Variants in NR3C1 observed in about 807,000 individuals in gnomAD.
NR3C1 encodes glucocorticoid receptor.
A neutral mutation model predicts 74.0 loss-of-function variants in NR3C1; 14 were observed. That is an observed-to-expected ratio of 0.19 (90% CI 0.12 to 0.30). The LOEUF (loss-of-function observed/expected upper bound fraction) is 0.30. Ranked by LOEUF, NR3C1 falls within the 10% of genes least tolerant of loss-of-function variation. NR3C1 has a pLI of 1.00. For missense variants in NR3C1, 695 were observed against 909.8 expected, an observed-to-expected ratio of 0.76 and a Z score of 3.04; for synonymous variants, 308 against 332.5, an observed-to-expected ratio of 0.93 and a Z score of 0.80.
intron 1 of NR3C1, among the ~76,000 whole-genome samples, chr5:143,411,063 T>A (rs1193609203): frequency 6.6e-6 from 1 of 152,222 alleles, no homozygotes; most frequent in African/African-American, 2.4e-5. Context: ...TCCATTTTAC[T>A]ATTATCTATG....
intron 7 of NR3C1, among the ~76,000 whole-genome samples, chr5:143,291,387 A>G (rs533289977): frequency 1.9e-3 from 290 of 151,948 alleles, no homozygotes; most frequent in Middle Eastern, 6.8e-3. Context: ...CACCACCCCC[A>G]GCTAAGTTTT....
At chr5:143,385,465 T>C (rs552582337) in intron 2 of NR3C1, among the ~76,000 whole-genome samples, 3 of 152,230 alleles carry the variant, frequency 2.0e-5, no homozygotes, top group Non-Finnish European at 4.4e-5. Flanking sequence ...TAAACCTAAG[T>C]TCCAACTTCA....
At chr5:143,415,854 A>T (rs2151957278) in intron 1 of NR3C1, among the ~76,000 whole-genome samples, 1 of 152,306 alleles carries the variant, frequency 6.6e-6, no homozygotes, top group Admixed American at 6.5e-5. Flanking sequence ...ATGCTTGTCC[A>T]CTACAGCTCA....
chr5:143,433,410 T>TATTTATTTAAATTATATATATATATA (rs1389125892), intron 1 of NR3C1, among the ~76,000 whole-genome samples: 4 of 145,458 alleles, frequency 2.7e-5, no homozygotes, highest in Non-Finnish European at 6.0e-5. Flanking sequence ...ATATATAATT[T>TATTTATTTAAATTATATATATATATA]ATTTATTTAA....
intron 1 of NR3C1, among the ~76,000 whole-genome samples, chr5:143,430,419 T>C (rs1382771480): frequency 2.0e-5 from 3 of 152,238 alleles, no homozygotes; most frequent in Non-Finnish European, 1.5e-5. Context: ...AGTGAAGATA[T>C]ATTACTTTTA....
At chr5:143,375,137 C>A (rs778996307) in intron 2 of NR3C1, among the ~76,000 whole-genome samples, 2 of 152,148 alleles carry the variant, frequency 1.3e-5, no homozygotes, top group Non-Finnish European at 2.9e-5. Context: ...GTCATGCCAC[C>A]TATTTTTAAA....
intron 4 of NR3C1, among the ~76,000 whole-genome samples, chr5:143,307,186 G>A (rs1819821969): frequency 1.3e-5 from 2 of 152,078 alleles, no homozygotes; most frequent in Admixed American, 1.3e-4. Context: ...ATGAGCCACC[G>A]CGCCCAACCG....
At chr5:143,397,073 AATCATAAT>A (rs374534664) in intron 2 of NR3C1, among the ~76,000 whole-genome samples, 15 of 152,000 alleles carry the variant, frequency 9.9e-5, no homozygotes, top group African/African-American at 3.4e-4. Flanking sequence ...TACTAAGCTC[AATCATAAT>A]ATTCATAATT....
At chr5:143,347,089 TTATA>T (rs1157252611) in intron 2 of NR3C1, among the ~76,000 whole-genome samples, 2 of 152,194 alleles carry the variant, frequency 1.3e-5, no homozygotes, top group African/African-American at 4.8e-5. Context: ...TCTAGAATGT[TTATA>T]TAGTACAAGA....
chr5:143,320,167 T>C (rs1347488215), intron 2 of NR3C1, among the ~76,000 whole-genome samples: 1 of 152,244 alleles, frequency 6.6e-6, no homozygotes, highest in African/African-American at 2.4e-5. Flanking sequence ...TACTGATTTG[T>C]TTGATAATAA....
intron 2 of NR3C1, among the ~76,000 whole-genome samples, chr5:143,373,058 A>T (rs1215159401): frequency 6.6e-6 from 1 of 152,188 alleles, no homozygotes; most frequent in Non-Finnish European, 1.5e-5. Flanking sequence ...CTAAACATAA[A>T]TATTTCACAC....
At chr5:143,324,674 T>A (rs1418366403) in intron 2 of NR3C1, among the ~76,000 whole-genome samples, 1 of 152,216 alleles carries the variant, frequency 6.6e-6, no homozygotes, top group Non-Finnish European at 1.5e-5. Context: ...AAAATGGGTT[T>A]CTCTTTTCAA....
chr5:143,434,478 T>A, intron 1 of NR3C1: 1 of 933,714 alleles, frequency 1.1e-6, no homozygotes, highest in Non-Finnish European at 1.3e-6. Context: ...AACAAGTAAC[T>A]TTGTTAGAAC....
intron 2 of NR3C1, among the ~76,000 whole-genome samples, chr5:143,371,988 C>T (rs1306041197): frequency 9.9e-5 from 15 of 152,170 alleles, no homozygotes; most frequent in Non-Finnish European, 2.2e-4. Flanking sequence ...CCAATGGATG[C>T]CTGAAATCAC....
chr5:143,386,463 GGT>G (rs1282429673), intron 2 of NR3C1, among the ~76,000 whole-genome samples: 2 of 152,094 alleles, frequency 1.3e-5, no homozygotes, highest in Non-Finnish European at 2.9e-5. Context: ...GGATGTTCAG[GGT>G]GTACTTGTTA....
chr5:143,339,853 G>A lies in NR3C1; in HGVS notation c.1185-25685C>T, dbSNP rs10078410. ...CATTCATTCAGTTGAAGAACACAGAGAAAAAGAAGAATGAAGAAAAATTAA... is the reference window on the plus strand; with the variant it reads ...CATTCATTCAGTTGAAGAACACAGAAAAAAAGAAGAATGAAGAAAAATTAA... On this transcript the variant is annotated intron_variant, in intron 2 of 8. Transcript: ENST00000394464. 5.5e-3 allele frequency among the ~76,000 whole-genome samples: 833 copies of A among 152,180 alleles called. 5 individuals are homozygous for A. Among genetic ancestry groups the A allele is most frequent in the East Asian group, 0.022 (116 of 5,182 alleles).
chr5:143,282,021 G>A lies in NR3C1; in HGVS notation c.2202C>T (p.Asn734=). The change falls in exon 9 of 9, where the codon AAC becomes AAT. Residue 734 remains asparagine (N), a synonymous_variant. Coordinates refer to ENST00000394464, the MANE Select transcript of NR3C1 (RefSeq NM_000176.3). ...SMHEVVENLL[N]YCFQTFLDKT... ...TATCCAAAAATGTTTGGAAGCAATA[G>A]TTAAGGAGATTTTCAACCACCTGCA... is the stretch of plus-strand genomic sequence containing the variant. 1.2e-6 allele frequency: 2 copies of A among 1,613,624 alleles called. No individual in the cohort carries two copies. Among genetic ancestry groups the A allele is most frequent in the Non-Finnish European group, 8.5e-7 (1 of 1,179,750 alleles).
chr5:143,362,457 T>C (rs1832444088), intron 2 of NR3C1, among the ~76,000 whole-genome samples: 1 of 151,028 alleles, frequency 6.6e-6, no homozygotes, highest in African/African-American at 2.4e-5. Context: ...ACCTCCTGGG[T>C]TCATTCCATT....
intron 2 of NR3C1, among the ~76,000 whole-genome samples, chr5:143,323,157 C>G (rs1390084703): frequency 6.6e-6 from 1 of 152,184 alleles, no homozygotes; most frequent in East Asian, 1.9e-4. Flanking sequence ...CCAGCATATC[C>G]ACACTGGAGA....
Sources: allele counts gnomAD v4.1 joint callset (sites outside exome capture counted in the v4.1 genomes callset), GRCh38; gene constraint gnomAD v4.1.1; transcripts MANE v1.5; gene names NCBI Gene and HGNC (gene_info 2026-07-23, HGNC 2026-07-21).